RBMS3: variants seen among roughly 807,000 people sequenced by gnomAD.
RBMS3 encodes the protein RNA-binding motif, single-stranded-interacting protein 3.
In RBMS3, 27 loss-of-function variants were observed where a neutral mutation model predicts 66.8. That is an observed-to-expected ratio of 0.40 (90% CI 0.30 to 0.56). The LOEUF (loss-of-function observed/expected upper bound fraction) is 0.56. Ranked by LOEUF, RBMS3 falls within the 20% of genes least tolerant of loss-of-function variation. RBMS3 has a pLI of 0.40. For missense variants in RBMS3, 513 were observed against 549.5 expected (o/e 0.93, Z 0.66); for synonymous variants, 188 against 183.0 (o/e 1.03, Z -0.22).
chr3:29,546,045 A>G (rs2045935445), intron 3 of RBMS3, among the ~76,000 whole-genome samples: 1 of 151,908 alleles, frequency 6.6e-6, no homozygotes, highest in Non-Finnish European at 1.5e-5. Flanking sequence ...AAAAATCAGT[A>G]ACTTTTTAAA....
At chr3:29,374,146 A>G (rs1479654793) in intron 1 of RBMS3, among the ~76,000 whole-genome samples, 1 of 152,250 alleles carries the variant, frequency 6.6e-6, no homozygotes, top group Non-Finnish European at 1.5e-5. Flanking sequence ...TGCATGTAAC[A>G]ACCAATCCAA....
chr3:29,578,473 G>A (rs1332934111), intron 3 of RBMS3, among the ~76,000 whole-genome samples: 2 of 152,160 alleles, frequency 1.3e-5, no homozygotes, highest in African/African-American at 2.4e-5. Flanking sequence ...AATCCACCGT[G>A]TCTCATAGTG....
At chr3:29,616,401 G>C (rs550427033) in intron 4 of RBMS3, 8 of 152,754 alleles carry the variant, frequency 5.2e-5, no homozygotes, top group African/African-American at 4.8e-5. Flanking sequence ...CAGGAGAATC[G>C]CTTGAACCGG....
intron 1 of RBMS3, among the ~76,000 whole-genome samples, chr3:29,288,178 A>T (rs987711011): frequency 6.6e-6 from 1 of 152,006 alleles, no homozygotes; most frequent in Non-Finnish European, 1.5e-5. Context: ...TTCCTTCACT[A>T]GGATCCCTTC....
chr3:29,853,346 T>C (rs993929686), intron 6 of RBMS3, among the ~76,000 whole-genome samples: 1 of 151,944 alleles, frequency 6.6e-6, no homozygotes, highest in Non-Finnish European at 1.5e-5. Flanking sequence ...TTGGTAACTA[T>C]GTAATTTTCC....
chr3:29,691,953 T>A (rs920111838), intron 4 of RBMS3, among the ~76,000 whole-genome samples: 9 of 58,176 alleles, frequency 1.5e-4, no homozygotes, highest in Admixed American at 1.2e-3. Context: ...CTCTCTATTT[T>A]TTTTTTTTTT....
intron 14 of RBMS3, 36 bp downstream of exon 14, chr3:29,991,245 A>G (rs764545955): frequency 1.3e-5 from 21 of 1,613,406 alleles, no homozygotes; most frequent in Non-Finnish European, 1.8e-5. Flanking sequence ...TTTCCTCAAG[A>G]TCAGCCATCT....
chr3:29,998,558 C>T (rs979300351), intron 14 of RBMS3, among the ~76,000 whole-genome samples: 1 of 152,058 alleles, frequency 6.6e-6, no homozygotes, highest in Non-Finnish European at 1.5e-5. Context: ...GTACTGGTAC[C>T]AAAACAGAGA....
chr3:29,568,374 A>G (rs1161502464), intron 3 of RBMS3, among the ~76,000 whole-genome samples: 1 of 152,240 alleles, frequency 6.6e-6, no homozygotes, highest in Non-Finnish European at 1.5e-5. Flanking sequence ...GTCTTTAAAA[A>G]TATAAAGATT....
chr3:29,431,914 G>C (rs1166434320), intron 1 of RBMS3, among the ~76,000 whole-genome samples: 1 of 151,946 alleles, frequency 6.6e-6, no homozygotes, highest in Admixed American at 6.6e-5. Context: ...TTTTTATAGA[G>C]ATGGGGTTTT....
chr3:29,995,414 C>T (rs537929597), intron 14 of RBMS3, among the ~76,000 whole-genome samples: 146 of 152,082 alleles, frequency 9.6e-4, no homozygotes, highest in African/African-American at 2.5e-3. Flanking sequence ...ATACAGAGAA[C>T]GCCACAAAGA....
At chr3:29,849,120 A>C (rs1426852159) in intron 6 of RBMS3, among the ~76,000 whole-genome samples, 2 of 152,002 alleles carry the variant, frequency 1.3e-5, no homozygotes, top group Non-Finnish European at 2.9e-5. Flanking sequence ...TGTCTTTCAC[A>C]CATACTTATG....
At chr3:29,881,288 A>G (rs539826562) in intron 7 of RBMS3, among the ~76,000 whole-genome samples, 3 of 152,076 alleles carry the variant, frequency 2.0e-5, no homozygotes, top group East Asian at 3.9e-4. Context: ...TCTCATCTGC[A>G]CCCCATCCAT....
intron 3 of RBMS3, among the ~76,000 whole-genome samples, chr3:29,530,777 C>T (rs1057448237): frequency 2.0e-5 from 3 of 150,762 alleles, no homozygotes; most frequent in Non-Finnish European, 4.4e-5. Flanking sequence ...AAGGCTGAGG[C>T]AGGAGAATTG....
intron 1 of RBMS3, among the ~76,000 whole-genome samples, chr3:29,309,848 G>A (rs960244782): frequency 3.3e-5 from 5 of 151,642 alleles, no homozygotes; most frequent in Middle Eastern, 3.2e-3. Context: ...AGGTGAAGAA[G>A]GGGGTGAAAA....
At chr3:29,712,867 C>A (rs2053233553) in intron 4 of RBMS3, among the ~76,000 whole-genome samples, 1 of 152,152 alleles carries the variant, frequency 6.6e-6, no homozygotes, top group Admixed American at 6.5e-5. Flanking sequence ...TGAAATACAT[C>A]TCCAGTTTCC....
chr3:29,825,634 G>A (rs558881038), intron 6 of RBMS3, among the ~76,000 whole-genome samples: 1 of 152,154 alleles, frequency 6.6e-6, no homozygotes, highest in African/African-American at 2.4e-5. Context: ...TGCCATGCTT[G>A]TGAGAGACTT....
chr3:29,432,785 G>A (rs1416159996), intron 1 of RBMS3, among the ~76,000 whole-genome samples: 2 of 152,190 alleles, frequency 1.3e-5, no homozygotes, highest in Non-Finnish European at 2.9e-5. Flanking sequence ...AAATCAGAAG[G>A]ATGGATTAGA....
chr3:29,880,675 T>A, intron 7 of RBMS3: 1 of 1,056,206 alleles, frequency 9.5e-7, no homozygotes. Flanking sequence ...AGCCAATGGG[T>A]TAAGTTCAAA....
Sources: gnomAD v4.1 joint callset for allele counts (sites outside exome capture counted in the v4.1 genomes callset) on GRCh38, gnomAD v4.1.1 for gene constraint, MANE v1.5 for transcripts, NCBI Gene and HGNC (gene_info 2026-07-23, HGNC 2026-07-21) for gene names.